The following GPR158 variants were observed in gnomAD, a reference collection of about 807,000 sequenced individuals.
GPR158 encodes the protein G protein-coupled receptor 158.
In GPR158, 30 loss-of-function variants were observed where a neutral mutation model predicts 78.2. The ratio of observed to expected loss-of-function variants is 0.38; its 90% CI spans 0.29 to 0.52. The LOEUF (loss-of-function observed/expected upper bound fraction) is 0.52. Ranked by LOEUF, GPR158 falls within the 20% of genes least tolerant of loss-of-function variation. The probability of loss-of-function intolerance (pLI) is 0.83; values close to 1 mark genes in which losing one functional copy is unlikely to be tolerated. For missense variants in GPR158, 1,463 were observed against 1,523.5 expected (o/e 0.96, Z 0.66); for synonymous variants, 581 against 591.1 (o/e 0.98, Z 0.25).
intron 2 of GPR158, among the ~76,000 whole-genome samples, chr10:25,345,233 C>T (rs1205857971): frequency 6.6e-6 from 1 of 151,988 alleles, no homozygotes; most frequent in African/African-American, 2.4e-5. Flanking sequence ...GACCCTCTTG[C>T]TGGTTCACCA....
intron 2 of GPR158, among the ~76,000 whole-genome samples, chr10:25,395,451 T>G (rs545288530): frequency 6.6e-6 from 1 of 152,202 alleles, no homozygotes; most frequent in African/African-American, 2.4e-5. Flanking sequence ...GACTATTTAA[T>G]TCATAAAAGC....
At chr10:25,280,096 A>G (rs531546714) in intron 2 of GPR158, among the ~76,000 whole-genome samples, 61 of 152,330 alleles carry the variant, frequency 4.0e-4, no homozygotes, top group Non-Finnish European at 7.8e-4. Flanking sequence ...TAAAAAGCAC[A>G]AGATGAGATG....
chr10:25,456,055 A>G (rs1231104523), intron 4 of GPR158, among the ~76,000 whole-genome samples: 1 of 152,152 alleles, frequency 6.6e-6, no homozygotes, highest in Admixed American at 6.5e-5. Context: ...TCATCTTTGC[A>G]TCTAAATAAC....
intron 2 of GPR158, among the ~76,000 whole-genome samples, chr10:25,246,682 T>C (rs1398683177): frequency 1.3e-5 from 2 of 152,192 alleles, no homozygotes; most frequent in Admixed American, 6.5e-5. Context: ...GAATGATCAG[T>C]AAAGAAACTT....
intron 2 of GPR158, among the ~76,000 whole-genome samples, chr10:25,255,575 A>G (rs559777655): frequency 7.2e-5 from 11 of 152,176 alleles, no homozygotes; most frequent in Non-Finnish European, 1.2e-4. Flanking sequence ...TGGTTATAGG[A>G]TGGAGATCCC....
At chr10:25,452,780 AAATT>A (rs1291215089) in intron 4 of GPR158, among the ~76,000 whole-genome samples, 5 of 152,340 alleles carry the variant, frequency 3.3e-5, no homozygotes, top group South Asian at 2.1e-4. Context: ...TATCAAAACC[AAATT>A]AATTAACACA....
chr10:25,344,653 A>G (rs1855348608), intron 2 of GPR158, among the ~76,000 whole-genome samples: 1 of 151,996 alleles, frequency 6.6e-6, no homozygotes, highest in Non-Finnish European at 1.5e-5. Context: ...CAGAAACTCC[A>G]GTGTTATTCA....
chr10:25,370,897 G>T (rs923380603), intron 2 of GPR158, among the ~76,000 whole-genome samples: 5 of 151,598 alleles, frequency 3.3e-5, no homozygotes, highest in Non-Finnish European at 7.4e-5. Flanking sequence ...TCTTCTTGTT[G>T]AATTGATCCC....
At chr10:25,441,282 A>G (rs1218031918) in intron 4 of GPR158, among the ~76,000 whole-genome samples, 1 of 152,164 alleles carries the variant, frequency 6.6e-6, no homozygotes, top group African/African-American at 2.4e-5. Flanking sequence ...AGGTAGCTCT[A>G]TACCCAAATT....
chr10:25,394,215 C>T (rs896624166), intron 2 of GPR158, among the ~76,000 whole-genome samples: 2 of 152,170 alleles, frequency 1.3e-5, no homozygotes, highest in Non-Finnish European at 2.9e-5. Context: ...CATGGTGGCA[C>T]TACCTTTTTC....
rs779832502 is a variant in GPR158, at chr10:25,221,059, A to G, written c.910A>G (p.Met304Val). The change falls in exon 2 of 11, where the codon ATG becomes GTG. Residue 304 changes from methionine to valine, a missense_variant. By Grantham distance (21) the Met-to-Val change is conservative (BLOSUM62 1). Transcript: ENST00000376351. ...PNLVPEFRGV[M>V]KVDINLQKVD... ...ATCCTTTTCTATTTCTAGGGGTGTC[A>G]TGAAAGTTGACATAAATCTTCAGAA... is the stretch of plus-strand genomic sequence containing the variant. 1.3e-6 allele frequency: 2 copies of G among 1,527,380 alleles called. No individual in the cohort carries two copies. The highest frequency in any genetic ancestry group is 1.8e-6 in the Non-Finnish European group (2 of 1,105,388). The allele number at this position is 1,527,380 out of a possible 1,614,324, so 94.6% of individuals were successfully genotyped here. A position where few individuals can be genotyped will look rare whatever the true frequency, so the allele number is the denominator to read the frequency against.
intron 2 of GPR158, among the ~76,000 whole-genome samples, chr10:25,269,013 T>G (rs1025436057): frequency 6.6e-6 from 1 of 152,216 alleles, no homozygotes; most frequent in South Asian, 2.1e-4. Context: ...TACAAATTCT[T>G]CTTGTCTCAT....
intron 4 of GPR158, among the ~76,000 whole-genome samples, chr10:25,461,699 C>G (rs1835360125): frequency 6.6e-6 from 1 of 151,914 alleles, no homozygotes; most frequent in Non-Finnish European, 1.5e-5. Context: ...GATGAAATAG[C>G]CCTCTACTGG....
chr10:25,531,146 T>C (rs1279346444), intron 5 of GPR158, among the ~76,000 whole-genome samples: 1 of 152,198 alleles, frequency 6.6e-6, no homozygotes, highest in Non-Finnish European at 1.5e-5. Context: ...ACCTTTAAGA[T>C]AACATATATT....
At chr10:25,545,827 T>C (rs1341615352) in intron 5 of GPR158, among the ~76,000 whole-genome samples, 1 of 152,134 alleles carries the variant, frequency 6.6e-6, no homozygotes, top group African/African-American at 2.4e-5. Context: ...ACTGATTATC[T>C]CCTATTGCCA....
chr10:25,189,513 A>G (rs1364802906), intron 1 of GPR158, among the ~76,000 whole-genome samples: 2 of 152,182 alleles, frequency 1.3e-5, no homozygotes, highest in Non-Finnish European at 2.9e-5. Flanking sequence ...GGAAACCGTC[A>G]TTCTCAGCAA....
At chr10:25,474,820 A>G (rs1454597725) in intron 5 of GPR158, among the ~76,000 whole-genome samples, 1 of 152,128 alleles carries the variant, frequency 6.6e-6, no homozygotes, top group African/African-American at 2.4e-5. Context: ...TGTCCTGTTG[A>G]AGCACCCTCC....
chr10:25,352,843 AT>A (rs1433301111), intron 2 of GPR158, among the ~76,000 whole-genome samples: 5 of 152,018 alleles, frequency 3.3e-5, no homozygotes, highest in Non-Finnish European at 5.9e-5. Context: ...TCTGTATGTT[AT>A]TTTCCTAATT....
At chr10:25,424,330 C>T (rs182508883) in intron 4 of GPR158, among the ~76,000 whole-genome samples, 2 of 152,248 alleles carry the variant, frequency 1.3e-5, no homozygotes, top group South Asian at 2.1e-4. Context: ...CTGTAGGTTG[C>T]CTGTTCACTC....
Sources: allele counts gnomAD v4.1 joint callset (sites outside exome capture counted in the v4.1 genomes callset), GRCh38; gene constraint gnomAD v4.1.1; transcripts MANE v1.5; gene names NCBI Gene and HGNC (gene_info 2026-07-23, HGNC 2026-07-21).